RGSL1: variants seen among roughly 807,000 people sequenced by gnomAD.
The protein encoded by RGSL1 is regulator of G protein signaling like 1, also known as regulator of G protein signaling protein-like.
RGSL1 carries 97 observed loss-of-function variants against 124.7 expected under a neutral mutation model. That is an observed-to-expected ratio of 0.78 (90% CI 0.66 to 0.92). The LOEUF (loss-of-function observed/expected upper bound fraction) is 0.92, where lower values mean the gene tolerates loss of function less well. Ranked by LOEUF, RGSL1 falls within the 40% of genes least tolerant of loss-of-function variation. The probability of loss-of-function intolerance (pLI) is 0.00; values close to 1 mark genes in which losing one functional copy is unlikely to be tolerated. For missense variants in RGSL1, 1,233 were observed against 1,288.4 expected (o/e 0.96, Z 0.66); for synonymous variants, 424 against 438.1 (o/e 0.97, Z 0.40).
chr1:182,467,431 C>T (rs266519), intron 4 of RGSL1, among the ~76,000 whole-genome samples: 33,631 of 151,850 alleles, frequency 0.22, 4,767 homozygotes, highest in African/African-American at 0.38. Flanking sequence ...TATAGACCAA[C>T]GGAACAGAAC....
intron 4 of RGSL1, among the ~76,000 whole-genome samples, chr1:182,466,529 C>T (rs1019676853): frequency 5.3e-5 from 8 of 152,138 alleles, no homozygotes; most frequent in South Asian, 2.1e-4. Flanking sequence ...CACTTCCATA[C>T]GCTTACAATG....
At chr1:182,507,341 C>T (rs1180511258) in intron 9 of RGSL1, 1 of 152,130 alleles carries the variant, frequency 6.6e-6, no homozygotes, top group Admixed American at 6.6e-5. Flanking sequence ...TCAATCAAAC[C>T]ATATATTTAT....
chr1:182,473,573 A>G lies in RGSL1; in HGVS notation c.464-2A>G. On this transcript the variant is annotated splice_acceptor_variant, in intron 5 of 21. Coordinates refer to ENST00000294854, the MANE Select transcript of RGSL1 (RefSeq NM_001137669.2). LOFTEE classifies it high-confidence loss of function. ...CCCATGATTTCTCTGTATTATTTCC[A>G]GAGTCCCTCCTGAACCTCTCCATCT... The G allele has an allele frequency of 6.6e-7, 1 of 1,525,442 alleles. No individual in the cohort carries two copies. The highest frequency in any genetic ancestry group is 8.8e-7 in the Non-Finnish European group (1 of 1,134,646). 94.5% of individuals were successfully genotyped at this position (1,525,442 alleles called of 1,614,324 possible). A position where few individuals can be genotyped will look rare whatever the true frequency, so the allele number is the denominator to read the frequency against.
At chr1:182,535,988 C>G (rs1380727181) in intron 14 of RGSL1, among the ~76,000 whole-genome samples, 1 of 152,138 alleles carries the variant, frequency 6.6e-6, no homozygotes, top group Non-Finnish European at 1.5e-5. Context: ...CTTTCTATTA[C>G]TACAGTTTTA....
At chr1:182,544,413 T>C (rs371185771) in intron 15 of RGSL1, among the ~76,000 whole-genome samples, 2 of 152,080 alleles carry the variant, frequency 1.3e-5, no homozygotes, top group Non-Finnish European at 2.9e-5. Context: ...ACTTGTTTTG[T>C]GGTCTGTTTT....
upstream of RGSL1, among the ~76,000 whole-genome samples, chr1:182,448,628 C>A (rs151088782): frequency 2.6e-5 from 4 of 152,030 alleles, no homozygotes; most frequent in African/African-American, 2.4e-5. Flanking sequence ...TGCCAGGGGA[C>A]GGTCCCGGCA....
In RGSL1 at chr1:182,548,317, A is replaced by T; in HGVS notation, c.2670A>T (p.Lys890Asn). The change falls in exon 16 of 22, where the codon AAA becomes AAT. Residue 890 changes from lysine (K) to asparagine (N), a missense_variant and splice_region_variant. Physicochemically the swap from Lys to Asn is moderately conservative, Grantham distance 94. Transcript: ENST00000294854. ...TTCCTACTTCACATTTCTTTTTTAG[A>T]TTTAATGATCTGGTCAGTTCAGCCC... ...NDLYFFSEME[K>N]FNDLVSSAHM... 2 of 1,551,748 alleles carry T rather than the reference A, an allele frequency of 1.3e-6. No homozygotes were observed. Among genetic ancestry groups the T allele is most frequent in the Non-Finnish European group, 1.7e-6 (2 of 1,147,002 alleles).
At chr1:182,550,092 A>G (rs1290745498) in intron 17 of RGSL1, 1 of 152,212 alleles carries the variant, frequency 6.6e-6, no homozygotes, top group Non-Finnish European at 1.5e-5. Context: ...TATGTTATGC[A>G]AACTGTGTTT....
chr1:182,513,123 G>A (rs4638078), intron 9 of RGSL1, among the ~76,000 whole-genome samples: 13,315 of 152,228 alleles, frequency 0.087, 787 homozygotes, highest in South Asian at 0.13. Flanking sequence ...AACTGCCCTC[G>A]CCTACCCAGT....
At chr1:182,468,463 T>G (rs965820747) in intron 4 of RGSL1, among the ~76,000 whole-genome samples, 1 of 152,212 alleles carries the variant, frequency 6.6e-6, no homozygotes. Flanking sequence ...TCATGTCCTT[T>G]GTAGGGACAT....
intron 4 of RGSL1, among the ~76,000 whole-genome samples, chr1:182,467,224 T>C (rs1160869381): frequency 6.6e-6 from 1 of 152,146 alleles, no homozygotes; most frequent in Middle Eastern, 3.2e-3. Flanking sequence ...GCCATCCCCA[T>C]CAAGCTACCA....
intron 6 of RGSL1, among the ~76,000 whole-genome samples, chr1:182,487,731 G>A (rs552313473): frequency 6.6e-6 from 1 of 152,348 alleles, no homozygotes; most frequent in South Asian, 2.1e-4. Context: ...ACTTTGTAAA[G>A]TGCCTGACAC....
upstream of RGSL1, among the ~76,000 whole-genome samples, chr1:182,449,459 T>C (rs1432992875): frequency 6.6e-6 from 1 of 152,162 alleles, no homozygotes; most frequent in East Asian, 1.9e-4. Context: ...AAGAATTCTA[T>C]TCTCAGTAAT....
intron 17 of RGSL1, chr1:182,549,579 G>T (rs1558432814): frequency 6.6e-6 from 1 of 152,200 alleles, no homozygotes; most frequent in Non-Finnish European, 1.5e-5. Context: ...GAATGGCAGT[G>T]CCTTGGGTGG....
intron 15 of RGSL1, among the ~76,000 whole-genome samples, chr1:182,543,218 T>A (rs1463948068): frequency 6.6e-6 from 1 of 152,138 alleles, no homozygotes; most frequent in Non-Finnish European, 1.5e-5. Flanking sequence ...TATTTTGAGG[T>A]ATATTTCTTC....
chr1:182,452,279 C>T (rs1160831861), intron 1 of RGSL1, among the ~76,000 whole-genome samples: 1 of 151,832 alleles, frequency 6.6e-6, no homozygotes, highest in Non-Finnish European at 1.5e-5. Context: ...TTTGGAATCA[C>T]CCATATGGAA....
chr1:182,472,117 C>T lies in RGSL1; in HGVS notation c.302-279C>T, dbSNP rs1022277996. Among the ~76,000 whole-genome samples the T allele has an allele frequency of 9.9e-5, 15 of 152,136 alleles. No homozygotes were observed. The South Asian group carries it at 3.1e-3, about 32-fold the overall frequency. On this transcript the variant is annotated intron_variant, in intron 4 of 21. Coordinates refer to ENST00000294854, the MANE Select transcript of RGSL1 (RefSeq NM_001137669.2). Reference sequence around the variant, plus strand: ...GACAAAATTTAATTACTTCATAATCCTCCCCCAGAGTCTTGCAGTTTTCCC... The same window carrying T: ...GACAAAATTTAATTACTTCATAATCTTCCCCCAGAGTCTTGCAGTTTTCCC...
chr1:182,452,220 A>G (rs969298439), intron 1 of RGSL1, among the ~76,000 whole-genome samples: 2 of 152,168 alleles, frequency 1.3e-5, no homozygotes, highest in African/African-American at 4.8e-5. Context: ...TAGCTCATGT[A>G]TATTTAAAAC....
At chr1:182,465,467 G>A (rs1653228262) in intron 4 of RGSL1, among the ~76,000 whole-genome samples, 1 of 133,736 alleles carries the variant, frequency 7.5e-6, no homozygotes, top group Non-Finnish European at 1.6e-5. Flanking sequence ...CTATCATGGG[G>A]TGGGGGGAGG....
Sources: allele counts gnomAD v4.1 joint callset (sites outside exome capture counted in the v4.1 genomes callset), GRCh38; gene constraint gnomAD v4.1.1; transcripts MANE v1.5; gene names NCBI Gene and HGNC (gene_info 2026-07-23, HGNC 2026-07-21).